The following AKAP6 variants were observed in gnomAD, a reference collection of about 807,000 sequenced individuals.
AKAP6 encodes A-kinase anchor protein 6.
In AKAP6, 58 loss-of-function variants were observed where a neutral mutation model predicts 188.5. The observed-to-expected ratio is 0.31, with a 90% CI of 0.25 to 0.38. The LOEUF (loss-of-function observed/expected upper bound fraction) is 0.38. AKAP6 is among the 10% of genes least tolerant of loss of function. The probability of loss-of-function intolerance (pLI) is 1.00; values close to 1 mark genes in which losing one functional copy is unlikely to be tolerated. For synonymous variants in AKAP6, 989 were observed against 998.6 expected, an observed-to-expected ratio of 0.99 and a Z score of 0.18; for missense variants, 2,710 against 2,740.0, an observed-to-expected ratio of 0.99 and a Z score of 0.24.
intron 7 of AKAP6, among the ~76,000 whole-genome samples, chr14:32,654,665 C>A (rs919441382): frequency 6.1e-5 from 9 of 147,542 alleles, no homozygotes; most frequent in African/African-American, 2.3e-4. Flanking sequence ...GGCAACGTGG[C>A]AAGACCTTGT....
In AKAP6 at chr14:32,832,445, A is replaced by G. The variant is rs2034830542; in HGVS notation, c.*2640A>G. On this transcript the variant is annotated 3_prime_UTR_variant, in exon 14 of 14. Coordinates refer to ENST00000280979, the MANE Select transcript of AKAP6 (RefSeq NM_004274.5). Reference sequence around the variant, plus strand: ...GTTACATGCTCATGGAAGACCGTGCAGTATTGAAAGTATTTGTTAATTATC... The same window carrying G: ...GTTACATGCTCATGGAAGACCGTGCGGTATTGAAAGTATTTGTTAATTATC... The G allele has an allele frequency of 3.3e-5, 5 of 152,370 alleles. No individual in the cohort carries two copies. In the South Asian group the frequency reaches 8.3e-4, roughly 25 times the overall value. The allele number at this position is 152,370 out of a possible 1,614,324, so 9.4% of individuals were successfully genotyped here. A position where few individuals can be genotyped will look rare whatever the true frequency, so the allele number is the denominator to read the frequency against.
At chr14:32,510,426 A>ACATATATATG (rs1881157053) in intron 2 of AKAP6, among the ~76,000 whole-genome samples, 6 of 69,638 alleles carry the variant, frequency 8.6e-5, no homozygotes, top group Non-Finnish European at 1.1e-4. Flanking sequence ...ATATATATAC[A>ACATATATATG]TATATATATG....
intron 12 of AKAP6, among the ~76,000 whole-genome samples, chr14:32,796,473 G>C (rs532618658): frequency 6.6e-6 from 1 of 152,208 alleles, no homozygotes; most frequent in East Asian, 1.9e-4. Context: ...TCAGGATTAA[G>C]ACTTCACACC....
intron 11 of AKAP6, among the ~76,000 whole-genome samples, chr14:32,751,676 TAA>T (rs4007532): frequency 0.59 from 88,888 of 151,580 alleles, 30,410 homozygotes; most frequent in Non-Finnish European, 0.75. Flanking sequence ...TGCCTTCACT[TAA>T]AAAAAAATCT....
rs768090581 is a variant in AKAP6 at position 32,822,647 on chromosome 14, T to C, written c.4834T>C (p.Cys1612Arg). The stretch of plus-strand genomic sequence containing the variant: ...TAAAAGCAATGAAGATCTCTTTAGC[T>C]GTCACAGCTCTGGGGATATAAGCGT... ...SYKSNEDLFS[C>R]HSSGDISVSS... Residue 1612 changes from cysteine to arginine, a missense_variant, in exon 13 of 14, where the codon TGT (cysteine) becomes CGT (arginine). By Grantham distance (180) the Cys-to-Arg change is radical. Around this residue, in one of 2 missense-constraint regions of AKAP6, gnomAD observed 2,473 missense variants for 2,426.1 expected, o/e 1.02. Coordinates refer to ENST00000280979, the MANE Select transcript of AKAP6 (RefSeq NM_004274.5). 11 of 1,613,936 alleles carry C rather than the reference T, an allele frequency of 6.8e-6. No individual in the cohort carries two copies. The Admixed American group carries it at 1.8e-4, about 27-fold the overall frequency.
At position 32,760,950 on chromosome 14, in the gene AKAP6, G is replaced by C. The variant is rs535840720; in HGVS notation, c.3373-12728G>C. Among the ~76,000 whole-genome samples the C allele has an allele frequency of 7.9e-5, 12 of 152,248 alleles. No homozygotes were observed. The East Asian group carries it at 2.3e-3, about 29-fold the overall frequency. The stretch of plus-strand genomic sequence containing the variant: ...TGGTTAAACTTCTAAATGACCCTGA[G>C]AGTATTACCACACATCTGGGAATAC... On this transcript the variant is annotated intron_variant, in intron 11 of 13. Transcript: ENST00000280979.
Position 32,655,277 on chromosome 14 carries a change from T to C in AKAP6, c.2731-23034T>C, listed in dbSNP as rs545366261. Among the ~76,000 whole-genome samples the C allele has an allele frequency of 2.0e-5, 3 of 152,296 alleles. No homozygotes were observed. In the East Asian group the frequency reaches 5.8e-4, roughly 29 times the overall value. On this transcript the variant is annotated intron_variant, in intron 7 of 13. Transcript: ENST00000280979. ...TTTCCTTATACCTTGATGTCTCCAG[T>C]AAACTGTGTGAAACTGGATGTGATT... is the stretch of plus-strand genomic sequence containing the variant.
intron 11 of AKAP6, among the ~76,000 whole-genome samples, chr14:32,773,445 G>A (rs903951489): frequency 4.6e-5 from 7 of 152,052 alleles, no homozygotes; most frequent in Admixed American, 2.6e-4. Context: ...CCTACATTTC[G>A]GAGGGATAAA....
intron 2 of AKAP6, among the ~76,000 whole-genome samples, chr14:32,495,665 A>G (rs1880278783): frequency 6.6e-6 from 1 of 152,180 alleles, no homozygotes; most frequent in African/African-American, 2.4e-5. Context: ...GCGCGTGGTA[A>G]AATGCATCTT....
chr14:32,484,763 T>C (rs573415325), intron 2 of AKAP6: 3 of 215,864 alleles, frequency 1.4e-5, no homozygotes, highest in Non-Finnish European at 2.0e-5. Flanking sequence ...TCCAATGTCT[T>C]TGTGGTTTGT....
intron 7 of AKAP6, among the ~76,000 whole-genome samples, chr14:32,661,231 C>T (rs1044584918): frequency 1.3e-5 from 2 of 151,940 alleles, no homozygotes; most frequent in African/African-American, 4.8e-5. Context: ...TACAGGACCT[C>T]CTATAAATCC....
intron 4 of AKAP6, among the ~76,000 whole-genome samples, chr14:32,572,820 C>A (rs558929032): frequency 6.6e-6 from 1 of 152,108 alleles, no homozygotes; most frequent in Non-Finnish European, 1.5e-5. Flanking sequence ...TTTACCCTCA[C>A]GAAGGAACTT....
rs142020195 is a variant in AKAP6, at chr14:32,549,818, A to T, written c.2346+2819A>T. ...GCCAGGATTTGAACCCATAACCAGC[A>T]TTCTTAAAGCAGTGTAGGCCCTGGT... is the stretch of plus-strand genomic sequence containing the variant. On this transcript the variant is annotated intron_variant, in intron 4 of 13. Coordinates refer to ENST00000280979, the MANE Select transcript of AKAP6 (RefSeq NM_004274.5). Among the ~76,000 whole-genome samples, 67 of 152,338 alleles carry T rather than the reference A, an allele frequency of 4.4e-4. No individual in the cohort carries two copies. In the East Asian group the frequency reaches 0.01, roughly 23 times the overall value.
At chr14:32,447,196 A>G (rs1014083788) in intron 2 of AKAP6, among the ~76,000 whole-genome samples, 1 of 152,222 alleles carries the variant, frequency 6.6e-6, no homozygotes, top group African/African-American at 2.4e-5. Flanking sequence ...CTCTTGATAC[A>G]TAATTTAGCA....
chr14:32,402,995 G>T (rs547324438), intron 1 of AKAP6: 1 of 152,300 alleles, frequency 6.6e-6, no homozygotes, highest in Non-Finnish European at 1.5e-5. Flanking sequence ...GCCTCCCAAA[G>T]TGCTGGGATT....
rs2034631409 is a variant in AKAP6, at chr14:32,824,718, G to A, written c.6905G>A (p.Cys2302Tyr). ...ALHPSPKTLTCEENLLNLHEK... is the reference protein window; with the variant it reads ...ALHPSPKTLTYEENLLNLHEK... ...CATCCCAGCCCCAAAACTTTAACCT[G>A]TGAAGAAAATCTTCTAAACCTTCAT... is the stretch of plus-strand genomic sequence containing the variant. The change falls in exon 13 of 14, where the codon TGT (cysteine) becomes TAT (tyrosine). Residue 2302 changes from cysteine (C) to tyrosine (Y), a missense_variant. Cys to Tyr is a radical substitution (Grantham distance 194). Transcript: ENST00000280979. The A allele has an allele frequency of 6.2e-7, 1 of 1,613,230 alleles. No individual in the cohort carries two copies. The highest frequency in any genetic ancestry group is 1.3e-5 in the African/African-American group (1 of 74,844).
At chr14:32,336,716 T>A (rs1021348872) in intron 1 of AKAP6, among the ~76,000 whole-genome samples, 3 of 152,312 alleles carry the variant, frequency 2.0e-5, no homozygotes, top group Middle Eastern at 3.4e-3. Context: ...AATAACTCAT[T>A]ACTTTTGCTG....
intron 8 of AKAP6, among the ~76,000 whole-genome samples, chr14:32,681,409 G>T (rs142434675): frequency 6.6e-6 from 1 of 152,252 alleles, no homozygotes; most frequent in Non-Finnish European, 1.5e-5. Flanking sequence ...CCTCGACTCA[G>T]CACTCTGGGT....
chr14:32,785,611 T>TTCTATTC, intron 12 of AKAP6, among the ~76,000 whole-genome samples: 1 of 152,138 alleles, frequency 6.6e-6, no homozygotes, highest in Admixed American at 6.5e-5. Flanking sequence ...GTGTGAAGCT[T>TTCTATTC]AGTTGGGGAA....
Sources: allele counts gnomAD v4.1 joint callset (sites outside exome capture counted in the v4.1 genomes callset), GRCh38; gene constraint gnomAD v4.1.1; regional missense constraint gnomAD v4.1.1; transcripts MANE v1.5; gene names NCBI Gene and HGNC (gene_info 2026-07-23, HGNC 2026-07-21).